Variants in BICC1 observed in about 807,000 individuals in gnomAD.
BICC1 encodes the protein BicC family RNA binding protein 1, also known as protein bicaudal C homolog 1.
In BICC1, 43 loss-of-function variants were observed where a neutral mutation model predicts 111.0. That is an observed-to-expected ratio of 0.39 (90% CI 0.30 to 0.50). The LOEUF (loss-of-function observed/expected upper bound fraction) is 0.50, where lower values mean the gene tolerates loss of function less well. Ranked by LOEUF, BICC1 falls within the 20% of genes least tolerant of loss-of-function variation. The probability of loss-of-function intolerance (pLI) is 0.88; values close to 1 mark genes in which losing one functional copy is unlikely to be tolerated. For missense variants in BICC1, 1,091 were observed against 1,203.2 expected (o/e 0.91, Z 1.38); for synonymous variants, 467 against 434.4 (o/e 1.07, Z -0.93).
intron 3 of BICC1, among the ~76,000 whole-genome samples, chr10:58,711,173 A>G (rs1564568609): frequency 6.6e-6 from 1 of 152,154 alleles, no homozygotes. Flanking sequence ...AAACTTTTGT[A>G]TATATTATTA....
intron 2 of BICC1, among the ~76,000 whole-genome samples, chr10:58,681,608 TCTAG>T (rs1301489427): frequency 6.6e-6 from 1 of 152,200 alleles, no homozygotes; most frequent in Non-Finnish European, 1.5e-5. Flanking sequence ...TCCTCAAGGA[TCTAG>T]AACTAGAAAT....
chr10:58,783,870 G>A (rs1344762254), intron 3 of BICC1, among the ~76,000 whole-genome samples: 2 of 152,150 alleles, frequency 1.3e-5, no homozygotes, highest in Non-Finnish European at 2.9e-5. Context: ...CTTGATCTGT[G>A]TCAAAGGCTG....
At chr10:58,692,721 G>A (rs1839947338) in intron 2 of BICC1, among the ~76,000 whole-genome samples, 1 of 152,080 alleles carries the variant, frequency 6.6e-6, no homozygotes, top group Non-Finnish European at 1.5e-5. Flanking sequence ...ATACTCAGGA[G>A]TCTGGATCAG....
At chr10:58,777,524 A>T (rs567594150) in intron 3 of BICC1, among the ~76,000 whole-genome samples, 2 of 151,982 alleles carry the variant, frequency 1.3e-5, no homozygotes, top group South Asian at 4.2e-4. Context: ...ATGTGAATGG[A>T]CCTCCCACCC....
chr10:58,532,677 A>T (rs137955913), intron 1 of BICC1, among the ~76,000 whole-genome samples: 5 of 151,974 alleles, frequency 3.3e-5, no homozygotes, highest in Non-Finnish European at 7.4e-5. Context: ...TTCACAGAAG[A>T]AGCAATGGCC....
chr10:58,706,569 C>T (rs1219196602), intron 3 of BICC1, among the ~76,000 whole-genome samples: 3 of 152,274 alleles, frequency 2.0e-5, no homozygotes, highest in Non-Finnish European at 4.4e-5. Flanking sequence ...GAATTGTAAT[C>T]CCCTTTATCC....
At chr10:58,527,360 A>G (rs535117161) in intron 1 of BICC1, among the ~76,000 whole-genome samples, 2 of 152,248 alleles carry the variant, frequency 1.3e-5, no homozygotes, top group African/African-American at 4.8e-5. Context: ...ATTTTCTCCT[A>G]TTCTGTACGT....
At chr10:58,562,975 G>A (rs1414769350) in intron 1 of BICC1, among the ~76,000 whole-genome samples, 1 of 152,026 alleles carries the variant, frequency 6.6e-6, no homozygotes, top group African/African-American at 2.4e-5. Flanking sequence ...CAGGTCCTTG[G>A]GAGCGTATAG....
At chr10:58,681,229 G>A (rs1362495316) in intron 2 of BICC1, among the ~76,000 whole-genome samples, 1 of 152,138 alleles carries the variant, frequency 6.6e-6, no homozygotes, top group Non-Finnish European at 1.5e-5. Flanking sequence ...GAGTGAACAG[G>A]CAACCTACAG....
At chr10:58,589,021 A>G (rs2132034064) in intron 1 of BICC1, among the ~76,000 whole-genome samples, 1 of 152,242 alleles carries the variant, frequency 6.6e-6, no homozygotes, top group South Asian at 2.1e-4. Flanking sequence ...ACTGCTGTCC[A>G]AGGACACCGG....
intron 2 of BICC1, among the ~76,000 whole-genome samples, chr10:58,681,348 G>A (rs183658576): frequency 3.9e-5 from 6 of 152,242 alleles, no homozygotes; most frequent in Middle Eastern, 3.4e-3. Flanking sequence ...GTGGGTGAAG[G>A]ATATGAACAG....
At chr10:58,679,123 G>T (rs1839434597) in intron 2 of BICC1, among the ~76,000 whole-genome samples, 1 of 152,140 alleles carries the variant, frequency 6.6e-6, no homozygotes, top group South Asian at 2.1e-4. Flanking sequence ...ACAATTAAAA[G>T]AACTAGAGAA....
intron 3 of BICC1, among the ~76,000 whole-genome samples, chr10:58,779,497 T>C (rs1330048222): frequency 6.6e-6 from 1 of 152,222 alleles, no homozygotes; most frequent in Non-Finnish European, 1.5e-5. Context: ...GTGAGCTACC[T>C]ACCATGAGTT....
chr10:58,763,100 G>A (rs1399482935), intron 3 of BICC1, among the ~76,000 whole-genome samples: 1 of 152,120 alleles, frequency 6.6e-6, no homozygotes, highest in Non-Finnish European at 1.5e-5. Flanking sequence ...ACTATGATTT[G>A]CTTCATAATT....
intron 13 of BICC1, 71 bp downstream of exon 13, chr10:58,800,397 G>C: frequency 6.8e-7 from 1 of 1,466,274 alleles, no homozygotes; most frequent in South Asian, 1.4e-5. Context: ...GAGAGTCTAT[G>C]CAGTGATTTT....
At chr10:58,549,907 T>C (rs1463000750) in intron 1 of BICC1, among the ~76,000 whole-genome samples, 1 of 152,060 alleles carries the variant, frequency 6.6e-6, no homozygotes, top group Non-Finnish European at 1.5e-5. Context: ...AGACTGGTCT[T>C]GAACACCTTT....
chr10:58,776,035 A>G (rs1842740967), intron 3 of BICC1, among the ~76,000 whole-genome samples: 1 of 152,186 alleles, frequency 6.6e-6, no homozygotes, highest in Non-Finnish European at 1.5e-5. Context: ...CAAGTTGCTA[A>G]GTTATTTTTA....
intron 1 of BICC1, among the ~76,000 whole-genome samples, chr10:58,607,317 A>AAAATAAATAAATAAATAAAT (rs370698110): frequency 0.012 from 1,578 of 134,686 alleles, 30 homozygotes; most frequent in African/African-American, 0.027. Flanking sequence ...ACTCTGTCTC[A>AAAATAAATAAATAAATAAAT]AAATAAATAA....
At chr10:58,683,946 T>C (rs1839624184) in intron 2 of BICC1, among the ~76,000 whole-genome samples, 1 of 152,222 alleles carries the variant, frequency 6.6e-6, no homozygotes, top group Non-Finnish European at 1.5e-5. Context: ...CATCCCTGTC[T>C]TGTGCCAGTT....
Sources: gnomAD v4.1 joint callset for allele counts (sites outside exome capture counted in the v4.1 genomes callset) on GRCh38, gnomAD v4.1.1 for gene constraint, MANE v1.5 for transcripts, NCBI Gene and HGNC (gene_info 2026-07-23, HGNC 2026-07-21) for gene names.